PRDM2: variants seen among roughly 807,000 people sequenced by gnomAD.
PRDM2 encodes the protein PR/SET domain 2, also known as PR domain zinc finger protein 2.
Under a neutral mutation model 130.0 loss-of-function variants are expected in PRDM2, and 30 were observed. The observed-to-expected ratio is 0.23, with a 90% confidence interval of 0.17 to 0.31. The LOEUF (loss-of-function observed/expected upper bound fraction) is 0.31, where lower values mean the gene tolerates loss of function less well. Ranked by LOEUF, PRDM2 falls within the 10% of genes least tolerant of loss-of-function variation. The pLI, the probability that PRDM2 is intolerant of heterozygous loss-of-function variation, is 1.00. For missense variants in PRDM2, 2,011 were observed against 2,108.4 expected, an observed-to-expected ratio of 0.95 and a Z score of 0.90; for synonymous variants, 871 against 782.4, an observed-to-expected ratio of 1.11 and a Z score of -1.89.
intron 8 of PRDM2, among the ~76,000 whole-genome samples, chr1:13,788,562 T>G (rs1644787591): frequency 1.3e-5 from 2 of 152,224 alleles, no homozygotes; most frequent in African/African-American, 2.4e-5. Flanking sequence ...CATCTGTCTG[T>G]CACTCCTCAG....
rs1570149401 is a variant in PRDM2, at chr1:13,823,553, G to C, written c.*418G>C. On this transcript the variant is annotated 3_prime_UTR_variant, in exon 10 of 10. Transcript: ENST00000311066. ...TTATGGGGACTTTGGTTTGACCCAG[G>C]GGTCAGCCTTAGGAAGGCCTTCAGG... is the stretch of plus-strand genomic sequence containing the variant. The C allele has an allele frequency of 4.1e-6, 1 of 243,706 alleles. No individual in the cohort carries two copies. Among genetic ancestry groups the C allele is most frequent in the African/African-American group, 2.2e-5 (1 of 44,528 alleles). The allele number at this position is 243,706 out of a possible 1,614,324, so 15.1% of individuals were successfully genotyped here. A position where few individuals can be genotyped will look rare whatever the true frequency, so the allele number is the denominator to read the frequency against.
chr1:13,763,947 C>T (rs572682262), intron 6 of PRDM2, among the ~76,000 whole-genome samples: 165 of 152,268 alleles, frequency 1.1e-3, no homozygotes, highest in African/African-American at 3.9e-3. Context: ...TTCATATGGG[C>T]ATTTCTGTAA....
chr1:13,795,898 G>T lies in PRDM2; in HGVS notation c.5036+13067G>T, dbSNP rs1285446675. Among the ~76,000 whole-genome samples, 3 of 152,144 alleles carry T rather than the reference G, an allele frequency of 2.0e-5. No homozygotes were observed. The East Asian group carries it at 5.8e-4, about 29-fold the overall frequency. ...CAGCAGGTTTCCATTTGTGTAGGGG[G>T]AGCAGTTGCCCAGGGTGCTGCATAG... On this transcript the variant is annotated intron_variant, in intron 8 of 9. Coordinates refer to ENST00000311066, the MANE Select transcript of PRDM2 (RefSeq NM_001393986.1).
intron 5 of PRDM2, among the ~76,000 whole-genome samples, chr1:13,744,800 C>A (rs965512134): frequency 6.6e-6 from 1 of 152,156 alleles, no homozygotes; most frequent in African/African-American, 2.4e-5. Context: ...GATATCTGCT[C>A]AAGTATGTAC....
intron 6 of PRDM2, among the ~76,000 whole-genome samples, chr1:13,750,390 GTT>G (rs923295935): frequency 1.3e-5 from 2 of 149,316 alleles, no homozygotes; most frequent in East Asian, 3.9e-4. Flanking sequence ...TTGTTTTTTT[GTT>G]TTTTTGTTTT....
chr1:13,789,397 G>C (rs1644802719), intron 8 of PRDM2, among the ~76,000 whole-genome samples: 2 of 152,148 alleles, frequency 1.3e-5, no homozygotes, highest in African/African-American at 4.8e-5. Flanking sequence ...TGTGTTGTAG[G>C]TGCTTAGGAT....
intron 6 of PRDM2, among the ~76,000 whole-genome samples, chr1:13,751,357 C>T (rs1391961133): frequency 6.6e-6 from 1 of 152,148 alleles, no homozygotes; most frequent in Non-Finnish European, 1.5e-5. Context: ...GCAGAGCTCT[C>T]TGTTGGAACT....
chr1:13,811,960 T>C (rs1645179534), intron 8 of PRDM2, among the ~76,000 whole-genome samples: 1 of 152,180 alleles, frequency 6.6e-6, no homozygotes, highest in Non-Finnish European at 1.5e-5. Flanking sequence ...TTGGCCTGGC[T>C]GAGAGACAAG....
At chr1:13,822,791 A>T (rs1645374571) in intron 9 of PRDM2, among the ~76,000 whole-genome samples, 2 of 152,174 alleles carry the variant, frequency 1.3e-5, no homozygotes, top group Admixed American at 1.3e-4. Flanking sequence ...CTCGGTGGAA[A>T]AAGCCAGACG....
At chr1:13,712,451 C>T (rs10927932) in intron 1 of PRDM2, among the ~76,000 whole-genome samples, 113,527 of 152,070 alleles carry the variant, frequency 0.75, 42,573 homozygotes, top group African/African-American at 0.79. Context: ...AACAGCAGCT[C>T]CATCCTCCCA....
rs575971461 is a variant in PRDM2, at chr1:13,791,852, T to G, written c.5036+9021T>G. ...TTTGCACATGCCTGCATTTCTGCCT[T>G]CCTTATGTCAGCTGGATTTCTTTTC... On this transcript the variant is annotated intron_variant, in intron 8 of 9. Coordinates refer to ENST00000311066, the MANE Select transcript of PRDM2 (RefSeq NM_001393986.1). Among the ~76,000 whole-genome samples the G allele has an allele frequency of 1.1e-4, 16 of 152,376 alleles. 1 individual carries two copies. Among genetic ancestry groups the G allele is most frequent in the East Asian group, 5.8e-4 (3 of 5,190 alleles).
chr1:13,792,849 T>C (rs2100709933), intron 8 of PRDM2, among the ~76,000 whole-genome samples: 1 of 152,318 alleles, frequency 6.6e-6, no homozygotes, highest in Admixed American at 6.5e-5. Flanking sequence ...CTGACGGAGA[T>C]GGTATTCTCA....
intron 8 of PRDM2, among the ~76,000 whole-genome samples, chr1:13,795,982 G>A (rs1029850300): frequency 1.3e-5 from 2 of 152,168 alleles, no homozygotes; most frequent in Non-Finnish European, 2.9e-5. Flanking sequence ...AGTGACCCAT[G>A]TCTGCCTTGT....
At chr1:13,822,705 T>C (rs1645373159) in intron 9 of PRDM2, among the ~76,000 whole-genome samples, 1 of 152,082 alleles carries the variant, frequency 6.6e-6, no homozygotes, top group Non-Finnish European at 1.5e-5. Context: ...GTGGTGTCTT[T>C]CTATAATAGC....
chr1:13,702,393 A>G (rs1204651544), intron 1 of PRDM2, among the ~76,000 whole-genome samples: 2 of 152,152 alleles, frequency 1.3e-5, no homozygotes, highest in East Asian at 3.8e-4. Context: ...TCTTTTCATT[A>G]AGATTTGTTT....
At chr1:13,749,561 G>A in intron 6 of PRDM2, 74 bp downstream of exon 6, 1 of 975,088 alleles carries the variant, frequency 1.0e-6, no homozygotes, top group Non-Finnish European at 1.2e-6. Context: ...CGCCCTCGCT[G>A]CTGCTGGCCC....
At chr1:13,757,929 C>T (rs1020435906) in intron 6 of PRDM2, among the ~76,000 whole-genome samples, 5 of 152,006 alleles carry the variant, frequency 3.3e-5, no homozygotes, top group Admixed American at 3.3e-4. Context: ...TAAAGAAGAC[C>T]AGAAGGTGAA....
chr1:13,779,811 A>C lies in PRDM2; in HGVS notation c.2016A>C (p.Ser672=), dbSNP rs377224326. The change falls in exon 8 of 10, where the codon TCA becomes TCC. Residue 672 remains serine, a synonymous_variant. Transcript: ENST00000311066. The surrounding 1 kb of genome is among the most constrained non-coding windows in gnomAD (Gnocchi z 4.9). ...CTTTAAGTCTTCCTCTTAGCATATC[A>C]ACAACAGAGGCAGTGTCTTTCCACA... is the stretch of plus-strand genomic sequence containing the variant. The part of the protein sequence containing the change: ...SCSLSLPLSI[S]TTEAVSFHKE... 69 of 1,614,094 alleles carry C rather than the reference A, an allele frequency of 4.3e-5. No individual in the cohort carries two copies. Among genetic ancestry groups the C allele is most frequent in the Non-Finnish European group, 5.8e-5 (68 of 1,180,048 alleles).
In PRDM2 at chr1:13,752,412, T is replaced by G. The variant is rs150433700; in HGVS notation, c.511+2925T>G. 3.3e-5 allele frequency among the ~76,000 whole-genome samples: 5 copies of G among 152,358 alleles called. No homozygotes were observed. The East Asian group carries it at 7.7e-4, about 24-fold the overall frequency. On this transcript the variant is annotated intron_variant, in intron 6 of 9. Transcript: ENST00000311066. Reference sequence around the variant, plus strand: ...AATAAGTTCCTTAGATGGAATAGATTAATCTTTCAGGTAGAGAGCAAGGAG... The same window carrying G: ...AATAAGTTCCTTAGATGGAATAGATGAATCTTTCAGGTAGAGAGCAAGGAG...
Sources: gnomAD v4.1 joint callset for allele counts (sites outside exome capture counted in the v4.1 genomes callset) on GRCh38, gnomAD v4.1.1 for gene constraint, Gnocchi (gnomAD v3.1) non-coding constraint, MANE v1.5 for transcripts, NCBI Gene and HGNC (gene_info 2026-07-23, HGNC 2026-07-21) for gene names.